The following DLGAP2 variants were observed in gnomAD, a reference collection of about 807,000 sequenced individuals.
DLGAP2 encodes the protein DLG associated protein 2, also known as disks large-associated protein 2.
In DLGAP2, 26 loss-of-function variants were observed where a neutral mutation model predicts 100.3. That is an observed-to-expected ratio of 0.26 (90% CI 0.19 to 0.36). The LOEUF is 0.36. Ranked by LOEUF, DLGAP2 falls within the 10% of genes least tolerant of loss-of-function variation. The pLI is 1.00. For missense variants in DLGAP2, 1,858 were observed against 1,453.2 expected (o/e 1.28, Z -4.53); for synonymous variants, 886 against 630.1 (o/e 1.41, Z -6.08).
chr8:1,358,332 A>T (rs146362481), intron 3 of DLGAP2, among the ~76,000 whole-genome samples: 1 of 152,256 alleles, frequency 6.6e-6, no homozygotes, highest in East Asian at 1.9e-4. Flanking sequence ...TGTCAGGTTC[A>T]ATCGTAGATT....
At chr8:1,145,882 C>G (rs985224076) in intron 2 of DLGAP2, among the ~76,000 whole-genome samples, 2 of 149,800 alleles carry the variant, frequency 1.3e-5, no homozygotes, top group African/African-American at 2.5e-5. Context: ...TTTGTTCTTG[C>G]GATAGTTTAC....
chr8:1,213,135 C>T (rs1267549324), intron 2 of DLGAP2, among the ~76,000 whole-genome samples: 1 of 152,160 alleles, frequency 6.6e-6, no homozygotes, highest in Non-Finnish European at 1.5e-5. Flanking sequence ...AGAATCACAT[C>T]ATCCTCAAGT....
intron 2 of DLGAP2, among the ~76,000 whole-genome samples, chr8:998,350 G>A (rs1009283840): frequency 6.6e-6 from 1 of 152,156 alleles, no homozygotes; most frequent in Non-Finnish European, 1.5e-5. Context: ...ACCCAGGCTG[G>A]AGTGCAGTGG....
At chr8:1,523,907 A>G (rs1800701072) in intron 4 of DLGAP2, among the ~76,000 whole-genome samples, 1 of 152,204 alleles carries the variant, frequency 6.6e-6, no homozygotes, top group Non-Finnish European at 1.5e-5. Context: ...TGAAAAGTTC[A>G]GGGCCTGAGA....
At chr8:853,877 A>T (rs918883434) in intron 1 of DLGAP2, among the ~76,000 whole-genome samples, 1 of 152,082 alleles carries the variant, frequency 6.6e-6, no homozygotes, top group Non-Finnish European at 1.5e-5. Context: ...CTAACCCCCA[A>T]TGTGATGGTG....
rs1799025255 is a variant in DLGAP2 at position 1,683,844 on chromosome 8, A to ATG, written c.2704+5216_2704+5217insGT. 1.6e-3 allele frequency among the ~76,000 whole-genome samples: 112 copies of ATG among 67,932 alleles called. 1 individual carries two copies. The highest frequency in any genetic ancestry group is 0.01 in the African/African-American group (102 of 9,930). 44.6% of individuals were successfully genotyped at this position (67,932 alleles called of 152,430 possible). ...CTTGTCTTTGCTCCACTATATATATATATATATATATATGTGTGTGTGTGT... is the reference window on the plus strand; with the variant it reads ...CTTGTCTTTGCTCCACTATATATATATGTATATATATATATGTGTGTGTGTGT... On this transcript the variant is annotated intron_variant, in intron 12 of 14. Coordinates refer to ENST00000637795, the MANE Select transcript of DLGAP2 (RefSeq NM_001346810.2).
intron 3 of DLGAP2, among the ~76,000 whole-genome samples, chr8:1,337,923 C>A (rs1428067240): frequency 6.6e-6 from 1 of 152,212 alleles, no homozygotes; most frequent in East Asian, 1.9e-4. Context: ...AAATGTTCCA[C>A]TAAGTACAGG....
intron 2 of DLGAP2, among the ~76,000 whole-genome samples, chr8:1,083,659 A>G (rs1803880520): frequency 6.6e-6 from 1 of 152,204 alleles, no homozygotes; most frequent in African/African-American, 2.4e-5. Context: ...AGCTGGGGCA[A>G]TTAGGTGGCA....
chr8:897,097 C>T (rs549832458), intron 1 of DLGAP2, among the ~76,000 whole-genome samples: 13 of 152,122 alleles, frequency 8.5e-5, no homozygotes, highest in African/African-American at 2.7e-4. Context: ...CCCCTTCCTG[C>T]GCTTGGAGTG....
chr8:1,474,072 C>G (rs950689515), intron 3 of DLGAP2, among the ~76,000 whole-genome samples: 22 of 152,236 alleles, frequency 1.4e-4, no homozygotes, highest in African/African-American at 5.1e-4. Flanking sequence ...TCCATTGTAT[C>G]ATTCTTACGC....
At chr8:1,026,599 A>C (rs181067576) in intron 2 of DLGAP2, among the ~76,000 whole-genome samples, 1 of 152,338 alleles carries the variant, frequency 6.6e-6, no homozygotes, top group African/African-American at 2.4e-5. Context: ...ATTAATGTCC[A>C]CATCTGGAAA....
intron 2 of DLGAP2, among the ~76,000 whole-genome samples, chr8:1,063,334 T>TC (rs1335472621): frequency 6.6e-6 from 1 of 152,080 alleles, no homozygotes; most frequent in African/African-American, 2.4e-5. Context: ...GAAGCATGCT[T>TC]CTGAGTGCAC....
chr8:1,535,906 G>A lies in DLGAP2; in HGVS notation c.173-12720G>A, dbSNP rs531535222. ...GGTGCTGTGGATGGATGGTGTTGGTGGTCAGCCAGCACAAGCACCACAAGC... is the reference window on the plus strand; with the variant it reads ...GGTGCTGTGGATGGATGGTGTTGGTAGTCAGCCAGCACAAGCACCACAAGC... On this transcript the variant is annotated intron_variant, in intron 4 of 14. Transcript: ENST00000637795. Among the ~76,000 whole-genome samples, 8 of 152,296 alleles carry A rather than the reference G, an allele frequency of 5.3e-5. No individual in the cohort carries two copies. The South Asian group carries it at 1.7e-3, about 32-fold the overall frequency.
chr8:796,394 C>T (rs997512747), intron 1 of DLGAP2, among the ~76,000 whole-genome samples: 1 of 151,902 alleles, frequency 6.6e-6, no homozygotes, highest in African/African-American at 2.4e-5. Flanking sequence ...TTTCACGGTA[C>T]CCTCAGGATT....
At chr8:1,476,554 C>T (rs1290945788) in intron 3 of DLGAP2, among the ~76,000 whole-genome samples, 1 of 152,168 alleles carries the variant, frequency 6.6e-6, no homozygotes, top group Non-Finnish European at 1.5e-5. Context: ...TCATGGTTCC[C>T]CCCTCAGTTC....
chr8:1,484,632 A>G (rs1799191418), intron 3 of DLGAP2, among the ~76,000 whole-genome samples: 1 of 152,230 alleles, frequency 6.6e-6, no homozygotes. Context: ...CCCAACTTAC[A>G]AGCTGGACAG....
intron 3 of DLGAP2, among the ~76,000 whole-genome samples, chr8:1,407,379 C>G (rs539039635): frequency 1.9e-5 from 2 of 107,844 alleles, no homozygotes; most frequent in East Asian, 4.4e-4. Flanking sequence ...CCTCCTTGTC[C>G]TCCGGAGTCC....
intron 6 of DLGAP2, among the ~76,000 whole-genome samples, chr8:1,576,156 C>T (rs1181442113): frequency 1.3e-5 from 2 of 152,156 alleles, no homozygotes; most frequent in Non-Finnish European, 2.9e-5. Context: ...TAATGATCGC[C>T]ATTCTAACTG....
At chr8:935,256 G>C (rs1039904923) in intron 2 of DLGAP2, among the ~76,000 whole-genome samples, 3 of 152,160 alleles carry the variant, frequency 2.0e-5, no homozygotes, top group African/African-American at 7.2e-5. Flanking sequence ...TCTTTGCCTT[G>C]GACCCAAAGC....
Sources: allele counts gnomAD v4.1 joint callset (sites outside exome capture counted in the v4.1 genomes callset), GRCh38; gene constraint gnomAD v4.1.1; transcripts MANE v1.5; gene names NCBI Gene and HGNC (gene_info 2026-07-23, HGNC 2026-07-21).